Variants in ATF6 observed in about 807,000 individuals in gnomAD.
ATF6 encodes cyclic AMP-dependent transcription factor ATF-6 alpha.
A neutral mutation model predicts 83.6 loss-of-function variants in ATF6; 53 were observed. That is an observed-to-expected ratio of 0.63 (90% CI 0.51 to 0.80). The LOEUF (loss-of-function observed/expected upper bound fraction) is 0.80. Ranked by LOEUF, ATF6 falls within the 30% of genes least tolerant of loss-of-function variation. ATF6 has a pLI of 0.00. For missense variants in ATF6, 744 were observed against 797.9 expected (o/e 0.93, Z 0.81); for synonymous variants, 288 against 285.8 (o/e 1.01, Z -0.08).
intron 10 of ATF6, among the ~76,000 whole-genome samples, chr1:161,849,118 T>C (rs545723512): frequency 2.0e-4 from 31 of 152,294 alleles, no homozygotes; most frequent in Middle Eastern, 3.4e-3. Context: ...AAATAATGCG[T>C]ATGTCATAGA....
intron 7 of ATF6, among the ~76,000 whole-genome samples, chr1:161,811,616 C>CCAATT (rs1220757315): frequency 6.6e-6 from 1 of 152,118 alleles, no homozygotes; most frequent in Non-Finnish European, 1.5e-5. Flanking sequence ...CCAGATTCAC[C>CCAATT]TGTTGTTAAC....
intron 12 of ATF6, among the ~76,000 whole-genome samples, chr1:161,853,571 C>G (rs1686693710): frequency 6.6e-6 from 1 of 152,186 alleles, no homozygotes; most frequent in African/African-American, 2.4e-5. Flanking sequence ...CTCTCACCTT[C>G]AAATTTGCTT....
chr1:161,850,209 T>C (rs1221285044), intron 10 of ATF6, among the ~76,000 whole-genome samples: 1 of 152,232 alleles, frequency 6.6e-6, no homozygotes, highest in Non-Finnish European at 1.5e-5. Context: ...TTATTACATT[T>C]AGTAATTCCT....
intron 14 of ATF6, among the ~76,000 whole-genome samples, chr1:161,895,035 A>G (rs921768097): frequency 6.6e-6 from 1 of 152,118 alleles, no homozygotes; most frequent in Non-Finnish European, 1.5e-5. Flanking sequence ...AGTCAGTTCA[A>G]GAACAGCCTG....
intron 15 of ATF6, among the ~76,000 whole-genome samples, chr1:161,941,395 G>A (rs2101910050): frequency 6.6e-6 from 1 of 152,348 alleles, no homozygotes; most frequent in Non-Finnish European, 1.5e-5. Context: ...GACTAGATGA[G>A]TCAGTAGTTT....
At chr1:161,869,880 C>T (rs573637499) in intron 14 of ATF6, among the ~76,000 whole-genome samples, 1 of 151,754 alleles carries the variant, frequency 6.6e-6, no homozygotes, top group East Asian at 1.9e-4. Context: ...TTAGCAATTC[C>T]TTACATATAA....
chr1:161,945,177 C>A (rs184948170), intron 15 of ATF6, among the ~76,000 whole-genome samples: 1 of 152,160 alleles, frequency 6.6e-6, no homozygotes, highest in African/African-American at 2.4e-5. Context: ...AGTGAACCTG[C>A]AAATGATAGC....
intron 15 of ATF6, among the ~76,000 whole-genome samples, chr1:161,917,740 AT>A (rs1301917979): frequency 6.6e-6 from 1 of 152,114 alleles, no homozygotes; most frequent in Non-Finnish European, 1.5e-5. Flanking sequence ...ATTTTTCACA[AT>A]TTTGCTCATG....
chr1:161,960,144 A>G lies in ATF6; in HGVS notation c.*1490A>G, dbSNP rs916380224. ...ACTGTACTATGCCTCTTTTTTCACC[A>G]TAGTAGACAATTATGTTTCATTTGA... On this transcript the variant is annotated 3_prime_UTR_variant, in exon 16 of 16. Coordinates refer to ENST00000367942, the MANE Select transcript of ATF6 (RefSeq NM_007348.4). 6.6e-6 allele frequency: 1 copy of G among 151,160 alleles called. No individual in the cohort carries two copies. Among genetic ancestry groups the G allele is most frequent in the Non-Finnish European group, 1.5e-5 (1 of 67,918 alleles). The allele number at this position is 151,160 out of a possible 1,614,324, so 9.4% of individuals were successfully genotyped here.
At position 161,958,824 on chromosome 1, in the gene ATF6, C is replaced by G. The variant is rs17417647; in HGVS notation, c.*170C>G. 8,187 of 571,228 alleles carry G rather than the reference C, an allele frequency of 0.014. 94 individuals are homozygous for G. Among genetic ancestry groups the G allele is most frequent in the Middle Eastern group, 0.028 (60 of 2,158 alleles). The allele number at this position is 571,228 out of a possible 1,614,324, so 35.4% of individuals were successfully genotyped here. On this transcript the variant is annotated 3_prime_UTR_variant, in exon 16 of 16. Coordinates refer to ENST00000367942, the MANE Select transcript of ATF6 (RefSeq NM_007348.4). ...AGCTGCTCCATTTTTCATCATCTAC[C>G]CATCTATTTGGAAAGCACTGGAATT...
At chr1:161,834,171 AG>A (rs1181171751) in intron 9 of ATF6, among the ~76,000 whole-genome samples, 4 of 152,218 alleles carry the variant, frequency 2.6e-5, no homozygotes, top group Non-Finnish European at 5.9e-5. Flanking sequence ...TCATAAGTGA[AG>A]GAGAAATAAA....
intron 15 of ATF6, among the ~76,000 whole-genome samples, chr1:161,931,093 T>C (rs1450142181): frequency 6.6e-6 from 1 of 152,180 alleles, no homozygotes; most frequent in African/African-American, 2.4e-5. Context: ...CAGGCTGGTC[T>C]CAAACTCCTG....
intron 14 of ATF6, among the ~76,000 whole-genome samples, chr1:161,885,196 A>T (rs1244387550): frequency 6.6e-6 from 1 of 152,154 alleles, no homozygotes; most frequent in Non-Finnish European, 1.5e-5. Flanking sequence ...TTCTTCTCTC[A>T]GTCAGTTGAA....
chr1:161,947,651 G>T (rs1688775852), intron 15 of ATF6, among the ~76,000 whole-genome samples: 2 of 152,002 alleles, frequency 1.3e-5, no homozygotes, highest in Admixed American at 1.3e-4. Flanking sequence ...AAAAAAAGAA[G>T]CATTTGTTAT....
chr1:161,768,289 C>A (rs1415485129), intron 1 of ATF6, among the ~76,000 whole-genome samples: 1 of 152,198 alleles, frequency 6.6e-6, no homozygotes, highest in Non-Finnish European at 1.5e-5. Context: ...GCATTCAGTT[C>A]TTTGTAGTCA....
At chr1:161,857,818 G>A (rs899674634) in intron 12 of ATF6, among the ~76,000 whole-genome samples, 15 of 152,116 alleles carry the variant, frequency 9.9e-5, no homozygotes, top group African/African-American at 3.4e-4. Context: ...AACACAAGGG[G>A]GGGAGGGATA....
chr1:161,802,302 A>G (rs1685172575), intron 7 of ATF6, 30 bp downstream of exon 7: 1 of 1,587,124 alleles, frequency 6.3e-7, no homozygotes. Flanking sequence ...GCTTCTCTTA[A>G]TGCCTGATTT....
intron 14 of ATF6, among the ~76,000 whole-genome samples, chr1:161,870,603 C>T (rs1687101412): frequency 6.6e-6 from 1 of 151,764 alleles, no homozygotes; most frequent in South Asian, 2.1e-4. Flanking sequence ...TCTCAAACTC[C>T]TTGTTAAATG....
chr1:161,774,643 A>G (rs577190178), intron 1 of ATF6, among the ~76,000 whole-genome samples: 38 of 152,250 alleles, frequency 2.5e-4, no homozygotes, highest in Non-Finnish European at 5.0e-4. Flanking sequence ...ACTGTAGTGT[A>G]TACTCTCTAT....
Sources: allele counts gnomAD v4.1 joint callset (sites outside exome capture counted in the v4.1 genomes callset), GRCh38; gene constraint gnomAD v4.1.1; transcripts MANE v1.5; gene names NCBI Gene and HGNC (gene_info 2026-07-23, HGNC 2026-07-21).